Variants in MUC22 observed in about 807,000 individuals in gnomAD.
MUC22 encodes the protein mucin 22.
In MUC22, 24 loss-of-function variants were observed where a neutral mutation model predicts 40.3. The ratio of observed to expected loss-of-function variants is 0.60; its 90% confidence interval spans 0.43 to 0.84. The LOEUF is 0.84. MUC22 is among the 40% of genes least tolerant of loss of function. The pLI, the probability that MUC22 is intolerant of heterozygous loss-of-function variation, is 0.00. For synonymous variants in MUC22, 765 were observed against 844.5 expected (o/e 0.91, Z 1.63); for missense variants, 1,926 against 2,130.7 (o/e 0.90, Z 1.89).
chr6:31,031,411 C>T (rs1581672998), intron 2 of MUC22, among the ~76,000 whole-genome samples: 1 of 152,200 alleles, frequency 6.6e-6, no homozygotes, highest in Admixed American at 6.5e-5. Flanking sequence ...ACCATCTCCT[C>T]CTCCAGCTCC....
chr6:31,017,142 C>T (rs774538786), intron 1 of MUC22, among the ~76,000 whole-genome samples: 10 of 152,338 alleles, frequency 6.6e-5, no homozygotes, highest in African/African-American at 1.2e-4. Context: ...CCTTGCTTTG[C>T]GGCACCCGGT....
At position 31,011,340 on chromosome 6, in the gene MUC22, G is replaced by A. The variant is rs971957435; in HGVS notation, c.70+564G>A. Among the ~76,000 whole-genome samples the A allele has an allele frequency of 6.6e-6, 1 of 151,682 alleles. No individual in the cohort carries two copies. On this transcript the variant is annotated intron_variant, in intron 1 of 3. Coordinates refer to ENST00000561890, the Ensembl canonical transcript of MUC22. This position sits in a 1 kb window ranked among gnomAD's most constrained non-coding sequence, Gnocchi z 4.5. ...CCCTATCTGTAGTCTTTTATCTCTC[G>A]TGCCTCCCCCGTCCTTCCTCCCTAG...
At chr6:31,014,461 A>G (rs1282529293) in intron 1 of MUC22, among the ~76,000 whole-genome samples, 1 of 152,190 alleles carries the variant, frequency 6.6e-6, no homozygotes, top group African/African-American at 2.4e-5. Context: ...GTATTCAGCA[A>G]CATTCTGGAA....
chr6:31,033,320 G>A (rs78935638), intron 3 of MUC22, among the ~76,000 whole-genome samples: 1,813 of 152,014 alleles, frequency 0.012, 21 homozygotes, highest in East Asian at 0.036. Context: ...AAAAAAGAAA[G>A]AAGGAAAGAA....
At chr6:31,033,649 C>T (rs1192304736) in intron 3 of MUC22, among the ~76,000 whole-genome samples, 2 of 152,188 alleles carry the variant, frequency 1.3e-5, no homozygotes, top group African/African-American at 4.8e-5. Context: ...CATCCTGGCC[C>T]ACAAGAGATT....
upstream of MUC22, among the ~76,000 whole-genome samples, chr6:31,008,396 G>A (rs1474081359): frequency 6.6e-6 from 1 of 152,170 alleles, no homozygotes; most frequent in African/African-American, 2.4e-5. Flanking sequence ...CACATTGCCA[G>A]TAGGAGGCAT....
chr6:31,017,557 C>A (rs1473256789), intron 1 of MUC22, among the ~76,000 whole-genome samples: 1 of 152,158 alleles, frequency 6.6e-6, no homozygotes, highest in East Asian at 1.9e-4. Flanking sequence ...TGTAAATACA[C>A]CAATCAGCAC....
At chr6:31,026,306 C>G in exon 2 of MUC22, 1 of 1,512,760 alleles carries the variant, frequency 6.6e-7, no homozygotes, top group Non-Finnish European at 8.8e-7. Context: ...ACAGCCTCTA[C>G]AGCAGGTTCT....
intron 1 of MUC22, among the ~76,000 whole-genome samples, chr6:31,012,108 C>T (rs1248341511): frequency 6.6e-6 from 1 of 152,150 alleles, no homozygotes; most frequent in African/African-American, 2.4e-5. Flanking sequence ...AACATATCTT[C>T]CCTAATTATG....
chr6:31,029,258 C>A, exon 2 of MUC22: 1 of 1,535,370 alleles, frequency 6.5e-7, no homozygotes, highest in Non-Finnish European at 8.7e-7. Flanking sequence ...ACTGAGACTA[C>A]CATCACCTCT....
chr6:31,026,472 C>G, exon 2 of MUC22: 1 of 1,507,890 alleles, frequency 6.6e-7, no homozygotes, highest in Non-Finnish European at 8.9e-7. Context: ...GCTCTGAGAC[C>G]ACCGTCTCCA....
rs534709317 is a variant in MUC22, at chr6:31,035,002, T to C, written c.*64T>C. The C allele has an allele frequency of 3.4e-3, 4,990 of 1,471,042 alleles. 12 individuals are homozygous for C. The highest frequency in any genetic ancestry group is 3.6e-3 in the Non-Finnish European group (4,038 of 1,107,010). 91.1% of individuals were successfully genotyped at this position (1,471,042 alleles called of 1,614,324 possible). The stretch of plus-strand genomic sequence containing the variant: ...AGGCCACGGCAGGACAAGATGGCTG[T>C]GGCCATAGATTGGGTATCAAAACAT... On this transcript the variant is annotated 3_prime_UTR_variant, in exon 4 of 4. Transcript: ENST00000561890.
At chr6:31,022,066 C>G (rs924546269) in intron 1 of MUC22, among the ~76,000 whole-genome samples, 1 of 152,040 alleles carries the variant, frequency 6.6e-6, no homozygotes, top group Non-Finnish European at 1.5e-5. Context: ...TGAAGGTTTG[C>G]AGCTTCACTC....
chr6:31,026,324 C>G (rs1203244123), exon 2 of MUC22: 1 of 1,509,252 alleles, frequency 6.6e-7, no homozygotes, highest in Non-Finnish European at 8.9e-7. Context: ...TCTGAGACCA[C>G]CACCCCCTCC....
At chr6:31,017,996 G>A (rs1425402326) in intron 1 of MUC22, among the ~76,000 whole-genome samples, 2 of 152,212 alleles carry the variant, frequency 1.3e-5, no homozygotes, top group Non-Finnish European at 1.5e-5. Context: ...GTGAGATCAC[G>A]AACCCACCAG....
At position 31,011,733 on chromosome 6, in the gene MUC22, A is replaced by C; in HGVS notation, c.70+957A>C. 6.6e-6 allele frequency among the ~76,000 whole-genome samples: 1 copy of C among 152,144 alleles called. No homozygotes were observed. Among genetic ancestry groups the C allele is most frequent in the East Asian group, 1.9e-4 (1 of 5,198 alleles). ...GTGGGATTACTGGATCAAATGGTAG[A>C]TCTACTTTTAGTTCTTTAAGAAATC... On this transcript the variant is annotated intron_variant, in intron 1 of 3. Transcript: ENST00000561890. The surrounding 1 kb of genome is among the most constrained non-coding windows in gnomAD (Gnocchi z 4.5).
In MUC22 at chr6:31,014,792, C is replaced by T. The variant is rs571155816; in HGVS notation, c.70+4016C>T. Among the ~76,000 whole-genome samples, 8 of 152,236 alleles carry T rather than the reference C, an allele frequency of 5.3e-5. No individual in the cohort carries two copies. The South Asian group carries it at 1.4e-3, about 28-fold the overall frequency. On this transcript the variant is annotated intron_variant, in intron 1 of 3. Transcript: ENST00000561890. ...GTCTTCAACATATGGTTTCCAGTGTCATCATCATTTCAGCCCAAGGAGAGG... is the reference window on the plus strand; with the variant it reads ...GTCTTCAACATATGGTTTCCAGTGTTATCATCATTTCAGCCCAAGGAGAGG...
chr6:31,016,217 T>C (rs1175484149), intron 1 of MUC22, among the ~76,000 whole-genome samples: 1 of 152,158 alleles, frequency 6.6e-6, no homozygotes, highest in Non-Finnish European at 1.5e-5. Context: ...ATTGTCTCAG[T>C]TCTCTCTGGC....
rs962289545 is a variant in MUC22 at position 31,032,035 on chromosome 6, C to T, written c.4670-161C>T. Among the ~76,000 whole-genome samples the T allele has an allele frequency of 6.6e-6, 1 of 152,182 alleles. No individual in the cohort carries two copies. The highest frequency in any genetic ancestry group is 2.4e-5 in the African/African-American group (1 of 41,442). On this transcript the variant is annotated intron_variant, in intron 2 of 3. Coordinates refer to ENST00000561890, the Ensembl canonical transcript of MUC22. The surrounding 1 kb of genome is among the most constrained non-coding windows in gnomAD (Gnocchi z 4.1). The stretch of plus-strand genomic sequence containing the variant: ...CACCTGCATTCTGGGGACATGGCCA[C>T]AGCAGAATCGCTTTCTACCATCTCT...
Sources: gnomAD v4.1 joint callset for allele counts (sites outside exome capture counted in the v4.1 genomes callset) on GRCh38, gnomAD v4.1.1 for gene constraint, Gnocchi (gnomAD v3.1) non-coding constraint, MANE v1.5 for transcripts, NCBI Gene and HGNC (gene_info 2026-07-23, HGNC 2026-07-21) for gene names.